Variants in DDHD1 observed in about 807,000 individuals in gnomAD.
DDHD1 encodes phospholipase DDHD1.
Under a neutral mutation model 96.4 loss-of-function variants are expected in DDHD1, and 49 were observed. The ratio of observed to expected loss-of-function variants is 0.51; its 90% CI spans 0.40 to 0.64. DDHD1 has a LOEUF of 0.64. Ranked by LOEUF, DDHD1 falls within the 30% of genes least tolerant of loss-of-function variation. The pLI, the probability that DDHD1 is intolerant of heterozygous loss-of-function variation, is 0.00. For missense variants in DDHD1, 1,106 were observed against 1,161.2 expected, an observed-to-expected ratio of 0.95 and a Z score of 0.69; for synonymous variants, 442 against 446.5, an observed-to-expected ratio of 0.99 and a Z score of 0.13.
intron 1 of DDHD1, among the ~76,000 whole-genome samples, chr14:53,142,242 C>T (rs2139887099): frequency 6.6e-6 from 1 of 152,248 alleles, no homozygotes; most frequent in East Asian, 1.9e-4. Context: ...GTTTTTATTG[C>T]CAATGCTGGA....
Position 53,078,153 on chromosome 14 carries a change from T to A in DDHD1, c.1290-4306A>T, listed in dbSNP as rs10137196. ...CTCTTGGGTATACACATAAGCAATA[T>A]TACTGGCTCATACACTAACTTTAAC... On this transcript the variant is annotated intron_variant, in intron 4 of 12. Coordinates refer to ENST00000673822, the MANE Select transcript of DDHD1 (RefSeq NM_001160148.2). Among the ~76,000 whole-genome samples the A allele has an allele frequency of 3.1e-3, 477 of 152,314 alleles. 2 individuals carry two copies. The highest frequency in any genetic ancestry group is 0.011 in the African/African-American group (454 of 41,580).
chr14:53,102,526 T>C (rs898661107), intron 2 of DDHD1, among the ~76,000 whole-genome samples: 2 of 152,082 alleles, frequency 1.3e-5, no homozygotes, highest in Non-Finnish European at 2.9e-5. Context: ...AATTGCTAAT[T>C]TATTCAGAAG....
rs1433496789 is a variant in DDHD1, at chr14:53,040,650, C to T, written c.*6118G>A. 2 of 152,184 alleles carry T rather than the reference C, an allele frequency of 1.3e-5. No individual in the cohort carries two copies. The highest frequency in any genetic ancestry group is 2.9e-5 in the Non-Finnish European group (2 of 68,032). 9.4% of individuals were successfully genotyped at this position (152,184 alleles called of 1,614,324 possible). On this transcript the variant is annotated 3_prime_UTR_variant, in exon 13 of 13. Transcript: ENST00000673822. ...CAGAATAAAAGTTTAAAGTTTCTGT[C>T]ATCCAAACTGATCACTGCAGAGAGA...
In DDHD1 at chr14:53,152,160, C is replaced by G; in HGVS notation, c.838+101G>C. 5 of 1,239,674 alleles carry G rather than the reference C, an allele frequency of 4.0e-6. 1 individual carries two copies. The South Asian group carries it at 6.3e-5, about 15-fold the overall frequency. 76.8% of individuals were successfully genotyped at this position (1,239,674 alleles called of 1,614,324 possible). A position where few individuals can be genotyped will look rare whatever the true frequency, so the allele number is the denominator to read the frequency against. ...TGCCCCAGCCAAACGCCAGGCCTCACGCGCCTCCCTCTTCGCGGCGACCAG... is the reference window on the plus strand; with the variant it reads ...TGCCCCAGCCAAACGCCAGGCCTCAGGCGCCTCCCTCTTCGCGGCGACCAG... On this transcript the variant is annotated intron_variant, in intron 1 of 12. Coordinates refer to ENST00000673822, the MANE Select transcript of DDHD1 (RefSeq NM_001160148.2).
intron 1 of DDHD1, 27 bp from the exon 2 acceptor site, chr14:53,103,883 A>C: frequency 6.4e-7 from 1 of 1,554,530 alleles, no homozygotes; most frequent in South Asian, 1.2e-5. Flanking sequence ...ACAGAATTAT[A>C]CACATTTTAA....
At chr14:53,066,012 T>C (rs372114432) in intron 6 of DDHD1, among the ~76,000 whole-genome samples, 92 of 152,292 alleles carry the variant, frequency 6.0e-4, no homozygotes, top group African/African-American at 2.1e-3. Flanking sequence ...ACCGGAAACT[T>C]TATACACATT....
chr14:53,096,854 T>C, intron 2 of DDHD1, among the ~76,000 whole-genome samples: 1 of 152,014 alleles, frequency 6.6e-6, no homozygotes, highest in Non-Finnish European at 1.5e-5. Flanking sequence ...TTGAAAAGAC[T>C]GTAATAAAAT....
intron 4 of DDHD1, among the ~76,000 whole-genome samples, chr14:53,076,835 C>T (rs114361037): frequency 1.6e-3 from 241 of 152,192 alleles, no homozygotes; most frequent in African/African-American, 5.2e-3. Context: ...AATTGGTTAG[C>T]GACATTTAGC....
chr14:53,096,841 C>A (rs756809006), intron 2 of DDHD1, among the ~76,000 whole-genome samples: 1 of 151,880 alleles, frequency 6.6e-6, no homozygotes, highest in Non-Finnish European at 1.5e-5. Flanking sequence ...TTTAACTTTG[C>A]TTTTGAAAAG....
rs1440104889 is a variant in DDHD1 at position 53,116,903 on chromosome 14, C to CA, written c.839-13048dup. The stretch of plus-strand genomic sequence containing the variant: ...GAGATAGAGGACACAAAAAACCTTT[C>CA]AAAAAATCAATGAATCCAGGAGCTT... On this transcript the variant is annotated intron_variant, in intron 1 of 12. Transcript: ENST00000673822. Among the ~76,000 whole-genome samples, 40 of 152,086 alleles carry CA rather than the reference C, an allele frequency of 2.6e-4. 1 individual carries two copies. The highest frequency in any genetic ancestry group is 8.7e-4 in the African/African-American group (36 of 41,504).
intron 6 of DDHD1, among the ~76,000 whole-genome samples, chr14:53,070,759 T>C (rs1310206483): frequency 6.6e-6 from 1 of 152,208 alleles, no homozygotes; most frequent in Non-Finnish European, 1.5e-5. Context: ...ATGCTTTACA[T>C]GTCTATTATA....
rs1882060868 is a variant in DDHD1, at chr14:53,046,959, A to G, written c.2522-10T>C. On this transcript the variant is annotated splice_polypyrimidine_tract_variant and intron_variant, in intron 12 of 12. Transcript: ENST00000673822. ...CTGTGATCCAACTCCACTAAAAAGA[A>G]AAGAAGTTAAACAAATGAATACAGA... 2 of 1,593,584 alleles carry G rather than the reference A, an allele frequency of 1.3e-6. No individual in the cohort carries two copies. Among genetic ancestry groups the G allele is most frequent in the Non-Finnish European group, 1.7e-6 (2 of 1,171,254 alleles).
chr14:53,102,328 G>A (rs919182139), intron 2 of DDHD1, among the ~76,000 whole-genome samples: 2 of 151,960 alleles, frequency 1.3e-5, no homozygotes, highest in Non-Finnish European at 2.9e-5. Context: ...GCAATCTGTA[G>A]AAACATACCT....
chr14:53,152,867 G>C lies in DDHD1; in HGVS notation c.232C>G (p.Leu78Val). Residue 78 changes from leucine to valine, a missense_variant, in exon 1 of 13, where the codon CTC becomes GTC. Coordinates refer to ENST00000673822, the MANE Select transcript of DDHD1 (RefSeq NM_001160148.2). ...APGTDDHNHH[L>V]ALDPCLSDEN... ...TCACTGAGGCAGGGGTCCAGCGCGA[G>C]GTGGTGGTTGTGGTCGTCGGTGCCC... 4 of 1,611,446 alleles carry C rather than the reference G, an allele frequency of 2.5e-6. No individual in the cohort carries two copies. The highest frequency in any genetic ancestry group is 1.7e-6 in the Non-Finnish European group (2 of 1,179,016).
rs541333812 is a variant in DDHD1 at position 53,130,561 on chromosome 14, C to G, written c.838+21700G>C. Among the ~76,000 whole-genome samples the G allele has an allele frequency of 1.6e-4, 25 of 152,322 alleles. 2 individuals carry two copies. In the South Asian group the frequency reaches 4.6e-3, roughly 28 times the overall value. On this transcript the variant is annotated intron_variant, in intron 1 of 12. Coordinates refer to ENST00000673822, the MANE Select transcript of DDHD1 (RefSeq NM_001160148.2). ...AGAGAAGAGTTGCAATTACTTGCCT[C>G]CGCTGTGAGACAAACCCCAGCCACA...
chr14:53,097,105 T>C (rs1357972094), intron 2 of DDHD1, among the ~76,000 whole-genome samples: 1 of 152,012 alleles, frequency 6.6e-6, no homozygotes, highest in East Asian at 1.9e-4. Flanking sequence ...AGTTAATAAA[T>C]TACAGGATCT....
chr14:53,055,193 G>A (rs1222025457), intron 10 of DDHD1, among the ~76,000 whole-genome samples: 1 of 152,196 alleles, frequency 6.6e-6, no homozygotes, highest in African/African-American at 2.4e-5. Flanking sequence ...CATTGTGCCA[G>A]TACTGGAGAT....
At chr14:53,140,528 C>T (rs1890571732) in intron 1 of DDHD1, among the ~76,000 whole-genome samples, 1 of 152,032 alleles carries the variant, frequency 6.6e-6, no homozygotes, top group South Asian at 2.1e-4. Context: ...AAGACTCTGT[C>T]TCAAAAAATA....
intron 1 of DDHD1, among the ~76,000 whole-genome samples, chr14:53,149,189 AAAGG>A (rs1260515537): frequency 3.9e-5 from 6 of 152,226 alleles, no homozygotes; most frequent in African/African-American, 1.4e-4. Context: ...GTCAAGTTCA[AAAGG>A]AAGAATAAAA....
Sources: allele counts gnomAD v4.1 joint callset (sites outside exome capture counted in the v4.1 genomes callset), GRCh38; gene constraint gnomAD v4.1.1; transcripts MANE v1.5; gene names NCBI Gene and HGNC (gene_info 2026-07-23, HGNC 2026-07-21).